The following FHIT variants were observed in gnomAD, a reference collection of about 807,000 sequenced individuals.
FHIT encodes the protein bis(5'-adenosyl)-triphosphatase.
Under a neutral mutation model 17.9 loss-of-function variants are expected in FHIT, and 19 were observed. The observed-to-expected ratio is 1.06, with a 90% CI of 0.74 to 1.56. FHIT has a LOEUF of 1.56. FHIT is among the 40% of genes most tolerant of loss of function. The pLI, the probability that FHIT is intolerant of heterozygous loss-of-function variation, is 0.00. For missense variants in FHIT, 248 were observed against 189.2 expected, an observed-to-expected ratio of 1.31 and a Z score of -1.82; for synonymous variants, 81 against 69.7, an observed-to-expected ratio of 1.16 and a Z score of -0.81.
chr3:60,763,369 G>A (rs1264140226), intron 4 of FHIT, among the ~76,000 whole-genome samples: 2 of 152,144 alleles, frequency 1.3e-5, no homozygotes, highest in East Asian at 3.8e-4. Flanking sequence ...AAAAACGCAT[G>A]AGGAAGAAAA....
chr3:60,366,771 A>T lies in FHIT; in HGVS notation c.103+170089T>A, dbSNP rs9846004. On this transcript the variant is annotated intron_variant, in intron 5 of 9. Transcript: ENST00000492590. The stretch of plus-strand genomic sequence containing the variant: ...CTGTATAAATCTCTTTTCTTTATAA[A>T]TTACCCAGACTGTGGTATTGTTTTA... 8.0e-3 allele frequency among the ~76,000 whole-genome samples: 1,220 copies of T among 152,214 alleles called. 18 individuals are homozygous for T. Among genetic ancestry groups the T allele is most frequent in the African/African-American group, 0.028 (1,156 of 41,542 alleles).
At chr3:60,351,410 G>T (rs1388148350) in intron 5 of FHIT, among the ~76,000 whole-genome samples, 3 of 152,154 alleles carry the variant, frequency 2.0e-5, no homozygotes, top group Non-Finnish European at 4.4e-5. Context: ...GAGGTCTGGT[G>T]TAACTTTATA....
intron 5 of FHIT, among the ~76,000 whole-genome samples, chr3:60,319,737 C>T (rs960699951): frequency 2.0e-5 from 3 of 152,154 alleles, no homozygotes; most frequent in Non-Finnish European, 4.4e-5. Flanking sequence ...TCCAGAGACA[C>T]TGAGGGGGGC....
At chr3:59,806,792 T>C (rs1423135393) in intron 8 of FHIT, among the ~76,000 whole-genome samples, 1 of 151,850 alleles carries the variant, frequency 6.6e-6, no homozygotes, top group African/African-American at 2.4e-5. Flanking sequence ...GGTGTCCTCT[T>C]AGTGACTCAA....
rs898465285 is a variant in FHIT, at chr3:61,023,402, A to C, written c.-111+18645T>G. Among the ~76,000 whole-genome samples the C allele has an allele frequency of 2.6e-5, 4 of 152,330 alleles. No individual in the cohort carries two copies. In the South Asian group the frequency reaches 8.3e-4, roughly 32 times the overall value. Reference sequence around the variant, plus strand: ...ATGGATAGGAAAAATCAATATTGTGAAAATGGCCATACTGCCCAAAGTAAT... The same window carrying C: ...ATGGATAGGAAAAATCAATATTGTGCAAATGGCCATACTGCCCAAAGTAAT... On this transcript the variant is annotated intron_variant, in intron 3 of 9. Transcript: ENST00000492590.
intron 7 of FHIT, among the ~76,000 whole-genome samples, chr3:59,959,737 TC>T (rs1707576186): frequency 6.6e-6 from 1 of 152,100 alleles, no homozygotes; most frequent in Non-Finnish European, 1.5e-5. Context: ...CAAACATCAA[TC>T]AGTGACATTA....
At chr3:60,668,378 A>G (rs1370965120) in intron 4 of FHIT, among the ~76,000 whole-genome samples, 8 of 108,158 alleles carry the variant, frequency 7.4e-5, no homozygotes, top group South Asian at 2.8e-4. Context: ...CAGGAAAAAA[A>G]AAAAAAAAAA....
Position 60,859,723 on chromosome 3 carries a change from A to ATTTTTTTTTTTTTTTTTTTT in FHIT, c.-110-37732_-110-37713dup, listed in dbSNP as rs71092647. ...ACATTTGCAGTGGATTCTGAATACG[A>ATTTTTTTTTTTTTTTTTTTT]TTTTTTTTTTTTTTTTTTTTTTTTT... On this transcript the variant is annotated intron_variant, in intron 3 of 9. Coordinates refer to ENST00000492590, the MANE Select transcript of FHIT (RefSeq NM_002012.4). 5.0e-4 allele frequency among the ~76,000 whole-genome samples: 26 copies of ATTTTTTTTTTTTTTTTTTTT among 51,924 alleles called. 6 individuals are homozygous for ATTTTTTTTTTTTTTTTTTTT. The highest frequency in any genetic ancestry group is 6.8e-4 in the Non-Finnish European group (20 of 29,368). The allele number at this position is 51,924 out of a possible 152,430, so 34.1% of individuals were successfully genotyped here. A position where few individuals can be genotyped will look rare whatever the true frequency, so the allele number is the denominator to read the frequency against.
intron 5 of FHIT, among the ~76,000 whole-genome samples, chr3:60,218,919 G>C (rs1219461357): frequency 6.6e-6 from 1 of 151,870 alleles, no homozygotes; most frequent in Non-Finnish European, 1.5e-5. Flanking sequence ...TTCTTATCCT[G>C]CTTCTAAACA....
rs114727378 is a variant in FHIT, at chr3:60,613,664, C to A, written c.-17-76685G>T. ...ACTTCCTTTTCTTTAACTTCCATTT[C>A]TTTCTTTTTCAGTCATTCCTACATT... is the stretch of plus-strand genomic sequence containing the variant. On this transcript the variant is annotated intron_variant, in intron 4 of 9. Coordinates refer to ENST00000492590, the MANE Select transcript of FHIT (RefSeq NM_002012.4). Among the ~76,000 whole-genome samples, 1,414 of 152,000 alleles carry A rather than the reference C, an allele frequency of 9.3e-3. 26 individuals are homozygous for A. The highest frequency in any genetic ancestry group is 0.032 in the African/African-American group (1,306 of 41,418).
intron 5 of FHIT, among the ~76,000 whole-genome samples, chr3:60,300,450 G>A (rs1384940163): frequency 2.6e-5 from 4 of 152,100 alleles, no homozygotes; most frequent in South Asian, 4.1e-4. Context: ...TGGAAAGATG[G>A]TCAGCTACTA....
intron 4 of FHIT, among the ~76,000 whole-genome samples, chr3:60,794,364 G>C (rs1700898485): frequency 6.8e-6 from 1 of 147,316 alleles, no homozygotes; most frequent in East Asian, 1.9e-4. Flanking sequence ...AGGAAGGAAG[G>C]GAAGGAAAAA....
chr3:60,831,229 G>A (rs149501006), intron 3 of FHIT, among the ~76,000 whole-genome samples: 98 of 152,236 alleles, frequency 6.4e-4, no homozygotes, highest in African/African-American at 2.1e-3. Context: ...GGAAAGGAAC[G>A]AGTTGAAGCT....
intron 7 of FHIT, among the ~76,000 whole-genome samples, chr3:59,955,243 T>G (rs1333473343): frequency 6.6e-6 from 1 of 152,204 alleles, no homozygotes; most frequent in African/African-American, 2.4e-5. Context: ...ACTAGACCTC[T>G]GGGCAGTGGC....
intron 5 of FHIT, among the ~76,000 whole-genome samples, chr3:60,433,038 T>C (rs933661916): frequency 3.9e-5 from 6 of 152,050 alleles, no homozygotes; most frequent in African/African-American, 1.4e-4. Context: ...TAATAGTTCA[T>C]CTTCCATAAC....
At chr3:61,019,461 C>T (rs1374354892) in intron 3 of FHIT, among the ~76,000 whole-genome samples, 2 of 151,950 alleles carry the variant, frequency 1.3e-5, no homozygotes, top group Non-Finnish European at 2.9e-5. Context: ...GAAAATAAGC[C>T]CAATCATTAA....
chr3:60,522,020 C>T (rs779014266), intron 5 of FHIT, among the ~76,000 whole-genome samples: 3 of 151,890 alleles, frequency 2.0e-5, no homozygotes, highest in Non-Finnish European at 4.4e-5. Context: ...AACCAGGGAC[C>T]CTGTGTAGGT....
Position 60,228,353 on chromosome 3 carries a change from T to C in FHIT, c.104-214201A>G, listed in dbSNP as rs574438407. On this transcript the variant is annotated intron_variant, in intron 5 of 9. Coordinates refer to ENST00000492590, the MANE Select transcript of FHIT (RefSeq NM_002012.4). ...TCTTAACCAGCACAGGGCTTTCTTTTGGGAAGACGAAAATGTTCTGGAACT... is the reference window on the plus strand; with the variant it reads ...TCTTAACCAGCACAGGGCTTTCTTTCGGGAAGACGAAAATGTTCTGGAACT... 7.2e-5 allele frequency among the ~76,000 whole-genome samples: 11 copies of C among 152,134 alleles called. No individual in the cohort carries two copies. The South Asian group carries it at 2.1e-3, about 29-fold the overall frequency.
At chr3:59,827,169 C>T (rs923764608) in intron 8 of FHIT, among the ~76,000 whole-genome samples, 4 of 152,152 alleles carry the variant, frequency 2.6e-5, no homozygotes, top group Non-Finnish European at 2.9e-5. Flanking sequence ...GTGTTACCTG[C>T]GGTCAGCATC....
Sources: gnomAD v4.1 joint callset for allele counts (sites outside exome capture counted in the v4.1 genomes callset) on GRCh38, gnomAD v4.1.1 for gene constraint, MANE v1.5 for transcripts, NCBI Gene and HGNC (gene_info 2026-07-23, HGNC 2026-07-21) for gene names.